Variants in ST3GAL3 observed in about 807,000 individuals in gnomAD.
ST3GAL3 encodes ST3 beta-galactoside alpha-2,3-sialyltransferase 3, also known as CMP-N-acetylneuraminate-beta-1,4-galactoside alpha-2,3-sialyltransferase.
Under a neutral mutation model 50.1 loss-of-function variants are expected in ST3GAL3, and 21 were observed. The ratio of observed to expected loss-of-function variants is 0.42; its 90% CI spans 0.30 to 0.60. The LOEUF is 0.60. ST3GAL3 is among the 20% of genes least tolerant of loss of function. The probability of loss-of-function intolerance (pLI) is 0.19; values close to 1 mark genes in which losing one functional copy is unlikely to be tolerated. For synonymous variants in ST3GAL3, 183 were observed against 190.0 expected, an observed-to-expected ratio of 0.96 and a Z score of 0.30; for missense variants, 353 against 489.4, an observed-to-expected ratio of 0.72 and a Z score of 2.63.
intron 9 of ST3GAL3, among the ~76,000 whole-genome samples, chr1:43,917,480 ATAAT>A (rs1329835809): frequency 1.3e-4 from 11 of 82,760 alleles, no homozygotes; most frequent in Admixed American, 1.1e-3. Context: ...TATAATATAT[ATAAT>A]ATATAATATA....
intron 5 of ST3GAL3, among the ~76,000 whole-genome samples, chr1:43,854,717 C>G (rs779411696): frequency 3.9e-5 from 6 of 152,192 alleles, no homozygotes; most frequent in African/African-American, 7.2e-5. Context: ...CTCAGTGTAT[C>G]CAACGCACCG....
At position 43,918,119 on chromosome 1, in the gene ST3GAL3, C is replaced by CTCT. The variant is rs56052310; in HGVS notation, c.745-2284_745-2283insCTT. Among the ~76,000 whole-genome samples the CTCT allele has an allele frequency of 3.7e-5, 5 of 133,904 alleles. 1 individual carries two copies. The highest frequency in any genetic ancestry group is 8.0e-5 in the Admixed American group (1 of 12,456). The allele number at this position is 133,904 out of a possible 152,430, so 87.8% of individuals were successfully genotyped here. A position where few individuals can be genotyped will look rare whatever the true frequency, so the allele number is the denominator to read the frequency against. On this transcript the variant is annotated intron_variant, in intron 9 of 11. Transcript: ENST00000347631. ...TAGACATCTAAATTTTTTTCTTTCT[C>CTCT]TTTTTTTTTTTTTTTAAGAGAGGGT...
intron 2 of ST3GAL3, among the ~76,000 whole-genome samples, chr1:43,749,411 G>C (rs1286244833): frequency 6.6e-6 from 1 of 152,176 alleles, no homozygotes; most frequent in African/African-American, 2.4e-5. Context: ...ATTGGGCAAA[G>C]GACTTGGATC....
chr1:43,876,219 C>T (rs919677822), intron 5 of ST3GAL3, among the ~76,000 whole-genome samples: 1 of 152,132 alleles, frequency 6.6e-6, no homozygotes, highest in African/African-American at 2.4e-5. Flanking sequence ...CCGCCTCGGC[C>T]TCCTAAAGTA....
intron 3 of ST3GAL3, among the ~76,000 whole-genome samples, chr1:43,804,227 A>G (rs989294610): frequency 6.6e-6 from 1 of 152,220 alleles, no homozygotes; most frequent in Non-Finnish European, 1.5e-5. Flanking sequence ...ATGCAACTCT[A>G]AGAACACATT....
chr1:43,846,445 G>A (rs1245913779), intron 5 of ST3GAL3, among the ~76,000 whole-genome samples: 2 of 152,104 alleles, frequency 1.3e-5, no homozygotes, highest in Non-Finnish European at 2.9e-5. Context: ...CTATATCATG[G>A]TGTATGTTTT....
At chr1:43,713,644 C>T (rs1665869678) in intron 1 of ST3GAL3, among the ~76,000 whole-genome samples, 1 of 151,586 alleles carries the variant, frequency 6.6e-6, no homozygotes, top group Admixed American at 6.6e-5. Context: ...GGTCCTCCCA[C>T]CTCAGCCTCC....
intron 4 of ST3GAL3, among the ~76,000 whole-genome samples, chr1:43,832,855 A>C (rs2063727857): frequency 1.3e-5 from 2 of 152,198 alleles, no homozygotes; most frequent in Admixed American, 1.3e-4. Flanking sequence ...GGAAGGTAGA[A>C]GATGGAATTG....
At chr1:43,799,194 G>A (rs1225726672) in intron 3 of ST3GAL3, among the ~76,000 whole-genome samples, 1 of 152,172 alleles carries the variant, frequency 6.6e-6, no homozygotes, top group Non-Finnish European at 1.5e-5. Flanking sequence ...TAGGTAAATA[G>A]GGGTTTCAAA....
At chr1:43,729,948 A>AGG (rs1674883327) in intron 1 of ST3GAL3, among the ~76,000 whole-genome samples, 1 of 151,872 alleles carries the variant, frequency 6.6e-6, no homozygotes, top group Non-Finnish European at 1.5e-5. Flanking sequence ...TAATGTATGA[A>AGG]AGCCTGTTTT....
rs542134103 is a variant in ST3GAL3 at position 43,883,725 on chromosome 1, C to T, written c.303-10658C>T. Among the ~76,000 whole-genome samples the T allele has an allele frequency of 2.0e-5, 3 of 152,270 alleles. No homozygotes were observed. In the South Asian group the frequency reaches 6.2e-4, roughly 32 times the overall value. ...GTGGGGAGGGTGCCAGGCTGAAGTT[C>T]CTCTGCCGTTGATGGGGGCTACTTC... On this transcript the variant is annotated intron_variant, in intron 5 of 11. Transcript: ENST00000347631.
intron 5 of ST3GAL3, among the ~76,000 whole-genome samples, chr1:43,845,299 A>T (rs188564320): frequency 6.6e-6 from 1 of 151,426 alleles, no homozygotes; most frequent in African/African-American, 2.4e-5. Flanking sequence ...GTTTTTTTTT[A>T]TTATTATTAT....
intron 5 of ST3GAL3, among the ~76,000 whole-genome samples, chr1:43,868,150 A>G (rs534944753): frequency 1.3e-5 from 2 of 152,322 alleles, no homozygotes; most frequent in South Asian, 4.1e-4. Context: ...TTCATGTAGT[A>G]TTTCCCTATG....
chr1:43,906,950 C>T (rs907691528), intron 9 of ST3GAL3, among the ~76,000 whole-genome samples: 1 of 152,184 alleles, frequency 6.6e-6, no homozygotes, highest in Non-Finnish European at 1.5e-5. Flanking sequence ...ATCTCACTGC[C>T]TCAGGGATCT....
At chr1:43,854,513 C>T (rs1217471989) in intron 5 of ST3GAL3, among the ~76,000 whole-genome samples, 1 of 152,172 alleles carries the variant, frequency 6.6e-6, no homozygotes, top group East Asian at 1.9e-4. Context: ...TTTTCCTGTG[C>T]CCATCCTTAA....
intron 2 of ST3GAL3, chr1:43,736,966 T>A: frequency 4.7e-6 from 1 of 212,970 alleles, no homozygotes; most frequent in East Asian, 1.3e-4. Context: ...ATGTGTTACA[T>A]AGTGTTTTCC....
chr1:43,879,182 G>A (rs555823775), intron 5 of ST3GAL3: 2 of 443,784 alleles, frequency 4.5e-6, no homozygotes, highest in Admixed American at 4.9e-5. Flanking sequence ...GAGCCGTTGT[G>A]GAAAGGTCCA....
At chr1:43,879,332 C>T in intron 5 of ST3GAL3, 1 of 455,962 alleles carries the variant, frequency 2.2e-6, no homozygotes, top group Non-Finnish European at 4.4e-6. Context: ...TTTTTGGAGA[C>T]AGTGAGAAGG....
intron 4 of ST3GAL3, among the ~76,000 whole-genome samples, chr1:43,835,534 A>C (rs1044852962): frequency 1.3e-5 from 2 of 151,950 alleles, no homozygotes; most frequent in African/African-American, 2.4e-5. Context: ...CCATGGAGAG[A>C]GCAGTATCTC....
Sources: gnomAD v4.1 joint callset for allele counts (sites outside exome capture counted in the v4.1 genomes callset) on GRCh38, gnomAD v4.1.1 for gene constraint, MANE v1.5 for transcripts, NCBI Gene and HGNC (gene_info 2026-07-23, HGNC 2026-07-21) for gene names.